The following RPL24 variants were observed in gnomAD, a reference collection of about 807,000 sequenced individuals.
RPL24 encodes the protein ribosomal protein L24.
RPL24 carries 7 observed loss-of-function variants against 26.4 expected under a neutral mutation model. The observed-to-expected ratio is 0.27, with a 90% CI of 0.15 to 0.50. RPL24 has a LOEUF of 0.50. Among genes scored for constraint, RPL24 ranks in the 20% least tolerant of loss-of-function variants. RPL24 has a pLI of 0.98. For missense variants in RPL24, 109 were observed against 194.9 expected, an observed-to-expected ratio of 0.56 and a Z score of 2.62; for synonymous variants, 67 against 65.2, an observed-to-expected ratio of 1.03 and a Z score of -0.13.
intron 2 of RPL24, chr3:101,686,249 T>C: frequency 1.7e-6 from 1 of 588,200 alleles, no homozygotes; most frequent in East Asian, 2.8e-5. Context: ...TTATTTCCCT[T>C]ACACCGGGAC....
chr3:101,682,179 C>A, intron 5 of RPL24: 1 of 430,320 alleles, frequency 2.3e-6, no homozygotes, highest in Non-Finnish European at 4.3e-6. Context: ...TGGTGAAACC[C>A]TGTCTCTACT....
intron 4 of RPL24, 44 bp from the exon 5 acceptor site, chr3:101,682,536 A>C (rs1031878389): frequency 1.3e-6 from 2 of 1,485,142 alleles, no homozygotes. Context: ...TTTACTCCTT[A>C]GTGGTACAAC....
intron 2 of RPL24, 101 bp from the exon 3 acceptor site, chr3:101,686,029 T>C (rs1937337063): frequency 2.6e-6 from 2 of 778,926 alleles, no homozygotes; most frequent in East Asian, 5.0e-5. Flanking sequence ...AGTTCTGGCT[T>C]ATCATTTTAC....
At chr3:101,685,726 T>C (rs938003200) in intron 3 of RPL24, 92 bp downstream of exon 3, 37 of 659,992 alleles carry the variant, frequency 5.6e-5, no homozygotes, top group Non-Finnish European at 1.0e-4. Flanking sequence ...TCGCATACAG[T>C]CTGATTTAAT....
chr3:101,686,602 A>G, intron 1 of RPL24, 45 bp from the exon 2 acceptor site: 1 of 1,614,128 alleles, frequency 6.2e-7, no homozygotes, highest in Non-Finnish European at 8.5e-7. Context: ...GTCTACAGCC[A>G]TGCCAGGGAC....
At chr3:101,683,220 A>G (rs1462740081) in intron 3 of RPL24, among the ~76,000 whole-genome samples, 1 of 152,086 alleles carries the variant, frequency 6.6e-6, no homozygotes, top group Non-Finnish European at 1.5e-5. Flanking sequence ...TTATTGAAAA[A>G]AATTATCATA....
intron 4 of RPL24, 56 bp downstream of exon 4, chr3:101,682,715 C>A: frequency 6.4e-7 from 1 of 1,561,152 alleles, no homozygotes; most frequent in Non-Finnish European, 8.7e-7. Flanking sequence ...TACTGAAGAC[C>A]CAAACCTAAA....
chr3:101,686,629 G>A, intron 1 of RPL24, 43 bp downstream of exon 1: 1 of 1,614,142 alleles, frequency 6.2e-7, no homozygotes, highest in Non-Finnish European at 8.5e-7. Flanking sequence ...GAGGAGTTCT[G>A]CCCGAGGATG....
At position 101,686,438 on chromosome 3, in the gene RPL24, C is replaced by T. The variant is rs770917525; in HGVS notation, c.81+44G>A. On this transcript the variant is annotated intron_variant, in intron 2 of 5. Coordinates refer to ENST00000394077, the MANE Select transcript of RPL24 (RefSeq NM_000986.4). ...AAACCGAATTAAACCAGCCTTTCCTCCTCGGAGTACAAGAAGGTAGGTGAA... is the reference window on the plus strand; with the variant it reads ...AAACCGAATTAAACCAGCCTTTCCTTCTCGGAGTACAAGAAGGTAGGTGAA... 3.2e-6 allele frequency: 5 copies of T among 1,562,188 alleles called. No individual in the cohort carries two copies. The South Asian group carries it at 3.4e-5, about 11-fold the overall frequency.
chr3:101,684,393 C>G (rs1020514904), intron 3 of RPL24, among the ~76,000 whole-genome samples: 2 of 152,036 alleles, frequency 1.3e-5, no homozygotes, highest in Non-Finnish European at 2.9e-5. Context: ...TGTTCTTGAA[C>G]TCCTGACCTG....
At chr3:101,683,810 G>A (rs535220450) in intron 3 of RPL24, among the ~76,000 whole-genome samples, 3 of 151,434 alleles carry the variant, frequency 2.0e-5, no homozygotes, top group Non-Finnish European at 4.4e-5. Context: ...CACCTCCGGG[G>A]TTCAAGCAAT....
At chr3:101,682,676 CAT>C in intron 4 of RPL24, 93 bp downstream of exon 4, 1 of 1,324,298 alleles carries the variant, frequency 7.6e-7, no homozygotes. Flanking sequence ...ATCAGCTTAA[CAT>C]ATATTAATCT....
At chr3:101,682,548 TATTA>T in intron 4 of RPL24, 56 bp from the exon 5 acceptor site, 1 of 1,416,614 alleles carries the variant, frequency 7.1e-7, no homozygotes, top group Non-Finnish European at 9.9e-7. Flanking sequence ...TGGTACAACT[TATTA>T]TTAGAGTTAG....
At chr3:101,682,395 A>G (rs1937275403) in intron 5 of RPL24, 34 bp downstream of exon 5, 1 of 1,560,568 alleles carries the variant, frequency 6.4e-7, no homozygotes, top group Non-Finnish European at 8.8e-7. Flanking sequence ...TTCCTGTTGT[A>G]TTGTTCAAGA....
chr3:101,684,793 A>C (rs1209610386), intron 3 of RPL24, among the ~76,000 whole-genome samples: 2 of 146,582 alleles, frequency 1.4e-5, no homozygotes, highest in African/African-American at 5.1e-5. Context: ...AAAAAAAAAA[A>C]AAAAAAAAAA....
In RPL24 at chr3:101,682,533, C is replaced by T. The variant is rs376695546; in HGVS notation, c.330-41G>A. The T allele has an allele frequency of 1.2e-4, 182 of 1,494,670 alleles. No individual in the cohort carries two copies. The African/African-American group carries it at 2.2e-3, about 18-fold the overall frequency. The allele number at this position is 1,494,670 out of a possible 1,614,324, so 92.6% of individuals were successfully genotyped here. ...AACTTAAGGCAAAAGCACTTTACTC[C>T]TTAGTGGTACAACTTATTATTAGAG... On this transcript the variant is annotated intron_variant, in intron 4 of 5. Transcript: ENST00000394077.
In RPL24 at chr3:101,686,715, A is replaced by T; in HGVS notation, c.-39T>A. ...CGGAAAGACAAAAGATGGCGAAAAGAAAGAGAGAATCATGGGAAGAGACCT... is the reference window on the plus strand; with the variant it reads ...CGGAAAGACAAAAGATGGCGAAAAGTAAGAGAGAATCATGGGAAGAGACCT... On this transcript the variant is annotated 5_prime_UTR_variant, in exon 1 of 6. Transcript: ENST00000394077. 2 of 1,613,922 alleles carry T rather than the reference A, an allele frequency of 1.2e-6. No homozygotes were observed. Among genetic ancestry groups the T allele is most frequent in the Non-Finnish European group, 1.7e-6 (2 of 1,179,920 alleles).
intron 1 of RPL24, 24 bp downstream of exon 1, chr3:101,686,648 T>C (rs376528464): frequency 6.2e-7 from 1 of 1,614,218 alleles, no homozygotes; most frequent in Non-Finnish European, 8.5e-7. Context: ...TGTAAGCGGA[T>C]TGGGAACCAC....
intron 3 of RPL24, 34 bp from the exon 4 acceptor site, chr3:101,682,941 C>T: frequency 6.3e-7 from 1 of 1,587,774 alleles, no homozygotes; most frequent in Non-Finnish European, 8.6e-7. Flanking sequence ...CACTTAGGAA[C>T]CTTCCTTCAA....
Sources: gnomAD v4.1 joint callset for allele counts (sites outside exome capture counted in the v4.1 genomes callset) on GRCh38, gnomAD v4.1.1 for gene constraint, MANE v1.5 for transcripts, NCBI Gene and HGNC (gene_info 2026-07-23, HGNC 2026-07-21) for gene names.